The following STRIP1 variants were observed in gnomAD, a reference collection of about 807,000 sequenced individuals.
STRIP1 encodes the protein striatin interacting protein 1.
Under a neutral mutation model 106.2 loss-of-function variants are expected in STRIP1, and 63 were observed. The observed-to-expected ratio is 0.59, with a 90% CI of 0.48 to 0.73. The LOEUF (loss-of-function observed/expected upper bound fraction) is 0.73. Among genes scored for constraint, STRIP1 ranks in the 30% least tolerant of loss-of-function variants. STRIP1 has a pLI of 0.00. For missense variants in STRIP1, 857 were observed against 1,074.8 expected (o/e 0.80, Z 2.83); for synonymous variants, 390 against 413.0 (o/e 0.94, Z 0.67).
chr1:110,037,800 G>C, intron 1 of STRIP1, 91 bp from the exon 2 acceptor site: 1 of 868,588 alleles, frequency 1.2e-6, no homozygotes, highest in South Asian at 1.4e-5. Flanking sequence ...GGAGGCAGTG[G>C]TGTCCTGTAA....
At chr1:110,050,500 G>A (rs1653244274) in intron 18 of STRIP1, 91 bp downstream of exon 18, 2 of 1,237,538 alleles carry the variant, frequency 1.6e-6, no homozygotes, top group Non-Finnish European at 2.3e-6. Context: ...GAATAGAGGT[G>A]TCTCCCGCAG....
intron 1 of STRIP1, 65 bp downstream of exon 1, chr1:110,034,882 GC>G: frequency 1.5e-6 from 2 of 1,364,970 alleles, no homozygotes; most frequent in East Asian, 6.2e-5. Context: ...CGGGCCCGGG[GC>G]CACTCTAGGG....
intron 17 of STRIP1, 157 bp from the exon 18 acceptor site, chr1:110,050,181 CATCTT>C: frequency 1.6e-6 from 1 of 634,050 alleles, no homozygotes; most frequent in Non-Finnish European, 2.8e-6. Context: ...GATATTTCCT[CATCTT>C]ATAGGTGGGG....
At chr1:110,032,662 T>C (rs1477946672), upstream of STRIP1, among the ~76,000 whole-genome samples, 1 of 152,154 alleles carries the variant, frequency 6.6e-6, no homozygotes, top group Non-Finnish European at 1.5e-5. Flanking sequence ...TGCCCAAACC[T>C]AGATCAAGGG....
rs1284899852 is a variant in STRIP1, at chr1:110,054,114, T to TCTCTGC, written c.*205_*210dup. ...CCAGGGTCCTGCTCCGAAGCAGTCA[T>TCTCTGC]CTCTGCCTGAGATCCATTCTTCCTT... is the stretch of plus-strand genomic sequence containing the variant. On this transcript the variant is annotated 3_prime_UTR_variant, in exon 21 of 21. Coordinates refer to ENST00000369795, the MANE Select transcript of STRIP1 (RefSeq NM_033088.4). 4 of 590,426 alleles carry TCTCTGC rather than the reference T, an allele frequency of 6.8e-6. No homozygotes were observed. The highest frequency in any genetic ancestry group is 9.0e-6 in the Non-Finnish European group (3 of 334,818). The allele number at this position is 590,426 out of a possible 1,614,324, so 36.6% of individuals were successfully genotyped here.
In STRIP1 at chr1:110,039,477, G is replaced by A. The variant is rs767243630; in HGVS notation, c.543G>A (p.Thr181=). The change falls in exon 5 of 21, where the codon ACG becomes ACA. Residue 181 remains threonine, a synonymous_variant. Coordinates refer to ENST00000369795, the MANE Select transcript of STRIP1 (RefSeq NM_033088.4). ...TCTTTCTCCTCCTGGAGGTGGGCAC[G>A]TTCAATGCTTTGGTGGAGCTTCTGA... ...YNIFLLLEVG[T]FNALVELLNM... 12 of 1,610,392 alleles carry A rather than the reference G, an allele frequency of 7.5e-6. No individual in the cohort carries two copies. The South Asian group carries it at 1.0e-4, about 13-fold the overall frequency.
chr1:110,042,911 T>C, intron 8 of STRIP1, 177 bp from the exon 9 acceptor site: 1 of 598,768 alleles, frequency 1.7e-6, no homozygotes, highest in Non-Finnish European at 2.9e-6. Flanking sequence ...CTCCTTTCCC[T>C]TGCGGATGTC....
chr1:110,042,868 G>A (rs2101773249), intron 8 of STRIP1: 4 of 545,272 alleles, frequency 7.3e-6, no homozygotes, highest in Non-Finnish European at 1.3e-5. Flanking sequence ...GGGTCAGTCA[G>A]CCTGCATCTC....
At chr1:110,033,523 T>C (rs752080789), upstream of STRIP1, among the ~76,000 whole-genome samples, 5 of 151,998 alleles carry the variant, frequency 3.3e-5, no homozygotes, top group African/African-American at 4.8e-5. Flanking sequence ...AGTCGAGGGG[T>C]TGCATTTGGT....
chr1:110,039,584 A>G lies in STRIP1; in HGVS notation c.581+69A>G, dbSNP rs41280340. On this transcript the variant is annotated intron_variant, in intron 5 of 20. Coordinates refer to ENST00000369795, the MANE Select transcript of STRIP1 (RefSeq NM_033088.4). ...TGGGAAGGGGGACAGAGCTTGCAGA[A>G]CTAACTGGCTTTGAGAGGGTTAAAT... The G allele has an allele frequency of 6.6e-3, 10,038 of 1,528,886 alleles. 54 individuals carry two copies. Among genetic ancestry groups the G allele is most frequent in the Non-Finnish European group, 7.0e-3 (7,900 of 1,127,662 alleles). 94.7% of individuals were successfully genotyped at this position (1,528,886 alleles called of 1,614,324 possible). A position where few individuals can be genotyped will look rare whatever the true frequency, so the allele number is the denominator to read the frequency against.
At chr1:110,046,881 C>G in intron 13 of STRIP1, 130 bp downstream of exon 13, 1 of 607,876 alleles carries the variant, frequency 1.6e-6, no homozygotes, top group Non-Finnish European at 2.8e-6. Context: ...GAAACCCCGT[C>G]TCTACTAAAA....
At chr1:110,051,399 C>T (rs1278177129) in intron 19 of STRIP1, among the ~76,000 whole-genome samples, 2 of 152,200 alleles carry the variant, frequency 1.3e-5, no homozygotes, top group African/African-American at 4.8e-5. Context: ...CCTCTGATAA[C>T]TGTGTGTACA....
chr1:110,034,055 TTTAA>T (rs1365789742), upstream of STRIP1, among the ~76,000 whole-genome samples: 1 of 152,256 alleles, frequency 6.6e-6, no homozygotes, highest in Non-Finnish European at 1.5e-5. Context: ...CCTTACCATC[TTTAA>T]TTAGTGCCAT....
intron 20 of STRIP1, among the ~76,000 whole-genome samples, chr1:110,052,491 TGAGACA>T (rs950423543): frequency 6.6e-6 from 1 of 152,054 alleles, no homozygotes; most frequent in Non-Finnish European, 1.5e-5. Context: ...TTTTTTCTTT[TGAGACA>T]GAGATTCTGT....
At chr1:110,044,514 A>C (rs1298711938) in intron 10 of STRIP1, among the ~76,000 whole-genome samples, 1 of 152,232 alleles carries the variant, frequency 6.6e-6, no homozygotes, top group Non-Finnish European at 1.5e-5. Flanking sequence ...TAATTGTTTA[A>C]AAGTTTTAAT....
Position 110,039,851 on chromosome 1 carries a change from C to T in STRIP1, c.581+336C>T, listed in dbSNP as rs115712128. On this transcript the variant is annotated intron_variant, in intron 5 of 20. Coordinates refer to ENST00000369795, the MANE Select transcript of STRIP1 (RefSeq NM_033088.4). ...ACTGCTGTGTTCGCCCTGCAGTTTC[C>T]GCCTTGGCAGGAGGCCAGGCACAAG... 1,467 of 1,302,890 alleles carry T rather than the reference C, an allele frequency of 1.1e-3. 11 individuals are homozygous for T. The African/African-American group carries it at 0.02, about 18-fold the overall frequency. The allele number at this position is 1,302,890 out of a possible 1,614,324, so 80.7% of individuals were successfully genotyped here. A position where few individuals can be genotyped will look rare whatever the true frequency, so the allele number is the denominator to read the frequency against.
At chr1:110,034,525 C>A, upstream of STRIP1, 1 of 1,319,296 alleles carries the variant, frequency 7.6e-7, no homozygotes, top group Non-Finnish European at 9.9e-7. Context: ...TGGCTTCTAA[C>A]ACTGGCCGCC....
chr1:110,041,758 C>G lies in STRIP1; in HGVS notation c.782C>G (p.Pro261Arg). Residue 261 changes from proline to arginine, a missense_variant, in exon 8 of 21, where the codon CCA becomes CGA. Transcript: ENST00000369795. ...GGCTCCCCGCTGTACAACAATGAGC[C>G]ATTTGCCATCATGCTGTTTGGGATG... ...ELGSPLYNNE[P>R]FAIMLFGMVT... is the part of the protein sequence containing the mutation. 1 of 1,614,138 alleles carries G rather than the reference C, an allele frequency of 6.2e-7. No homozygotes were observed.
Position 110,051,876 on chromosome 1 carries a change from C to T in STRIP1, c.2255C>T (p.Ala752Val). 1 of 1,612,232 alleles carries T rather than the reference C, an allele frequency of 6.2e-7. No homozygotes were observed. Among genetic ancestry groups the T allele is most frequent in the Non-Finnish European group, 8.5e-7 (1 of 1,179,870 alleles). ...CGGCATCGGCTGAACGACGACTGGG[C>T]ATACGGCAATGGTGAGACTCTGCAC... Reference protein sequence around the residue: ...KVRHRLNDDWAYGNDLDARPW... With the variant: ...KVRHRLNDDWVYGNDLDARPW... Residue 752 changes from alanine (A) to valine (V), a missense_variant, in exon 20 of 21, where the codon GCA becomes GTA. Coordinates refer to ENST00000369795, the MANE Select transcript of STRIP1 (RefSeq NM_033088.4).
Sources: allele counts gnomAD v4.1 joint callset (sites outside exome capture counted in the v4.1 genomes callset), GRCh38; gene constraint gnomAD v4.1.1; transcripts MANE v1.5; gene names NCBI Gene and HGNC (gene_info 2026-07-23, HGNC 2026-07-21).